EHD1: variants seen among roughly 807,000 people sequenced by gnomAD.
EHD1 encodes EH domain-containing protein 1.
A neutral mutation model predicts 39.0 loss-of-function variants in EHD1; 19 were observed. The observed-to-expected ratio is 0.49, with a 90% confidence interval of 0.34 to 0.72. The LOEUF (loss-of-function observed/expected upper bound fraction) is 0.72. Among genes scored for constraint, EHD1 ranks in the 30% least tolerant of loss-of-function variants. The pLI is 0.01. For missense variants in EHD1, 542 were observed against 751.5 expected, an observed-to-expected ratio of 0.72 and a Z score of 3.26; for synonymous variants, 323 against 331.2, an observed-to-expected ratio of 0.98 and a Z score of 0.27.
In EHD1 at chr11:64,860,280, G is replaced by A. The variant is rs77426065; in HGVS notation, c.559C>T (p.Leu187=). The change falls in exon 3 of 5, where the codon CTG becomes TTG. Residue 187 remains leucine, a synonymous_variant. Coordinates refer to ENST00000320631, the MANE Select transcript of EHD1 (RefSeq NM_006795.4). The stretch of plus-strand genomic sequence containing the variant: ...TCCAGCTTGTGGGCGTCGAAGAGCA[G>A]GATGATGCGGTCCACACGCTCCGCG... The part of the protein sequence containing the change: ...WFAERVDRII[L]LFDAHKLDIS... 992 of 1,613,984 alleles carry A rather than the reference G, an allele frequency of 6.1e-4. 4 individuals carry two copies. In the African/African-American group the frequency reaches 1.0e-2, roughly 16 times the overall value.
chr11:64,876,868 C>T (rs1032448093), intron 1 of EHD1, among the ~76,000 whole-genome samples: 19 of 152,208 alleles, frequency 1.2e-4, no homozygotes, highest in Non-Finnish European at 1.6e-4. Context: ...CATCAACAGC[C>T]GTAAAACAGG....
intron 2 of EHD1, among the ~76,000 whole-genome samples, chr11:64,867,449 C>T (rs906228475): frequency 6.7e-6 from 1 of 149,792 alleles, no homozygotes; most frequent in African/African-American, 2.5e-5. Flanking sequence ...CTAAGCGCGG[C>T]GGCTTATGCC....
intron 2 of EHD1, among the ~76,000 whole-genome samples, chr11:64,864,827 G>A (rs1322797599): frequency 4.6e-5 from 7 of 152,178 alleles, no homozygotes; most frequent in Admixed American, 1.3e-4. Flanking sequence ...CTGGGAGTCA[G>A]GACGGCGCCT....
At chr11:64,871,971 C>T (rs577687855) in intron 2 of EHD1, among the ~76,000 whole-genome samples, 7 of 152,328 alleles carry the variant, frequency 4.6e-5, no homozygotes, top group African/African-American at 1.7e-4. Flanking sequence ...ATGGAGCATA[C>T]ACTTTGGTGC....
upstream of EHD1, chr11:64,879,670 A>T (rs1943932108): frequency 1.9e-6 from 3 of 1,550,256 alleles, no homozygotes; most frequent in Non-Finnish European, 2.6e-6. Flanking sequence ...CCACACACAG[A>T]CCCCTTTGGC....
chr11:64,854,977 C>T (rs180888959), intron 4 of EHD1, 120 bp from the exon 5 acceptor site: 23 of 1,315,204 alleles, frequency 1.7e-5, no homozygotes, highest in South Asian at 2.7e-5. Context: ...CTAGCAGGGG[C>T]GACTCGGCAA....
chr11:64,851,713 TG>T lies in EHD1; in HGVS notation c.*2619del. On this transcript the variant is annotated 3_prime_UTR_variant, in exon 5 of 5. Transcript: ENST00000320631. Reference sequence around the variant, plus strand: ...TACAGCTGCAGTCTAAGGGTGGGGTTGGGGGGATCTACCGTTTTTTCCTCTT... The same window carrying T: ...TACAGCTGCAGTCTAAGGGTGGGGTTGGGGGATCTACCGTTTTTTCCTCTT... 1 of 152,308 alleles carries T rather than the reference TG, an allele frequency of 6.6e-6. No homozygotes were observed. The allele number at this position is 152,308 out of a possible 1,614,324, so 9.4% of individuals were successfully genotyped here.
rs549564512 is a variant in EHD1 at position 64,871,428 on chromosome 11, C to T, written c.502+2993G>A. Among the ~76,000 whole-genome samples, 17 of 152,352 alleles carry T rather than the reference C, an allele frequency of 1.1e-4. No homozygotes were observed. In the South Asian group the frequency reaches 1.2e-3, roughly 11 times the overall value. On this transcript the variant is annotated intron_variant, in intron 2 of 4. Coordinates refer to ENST00000320631, the MANE Select transcript of EHD1 (RefSeq NM_006795.4). ...AACAGAAATCCACTCCTCCTGTGTA[C>T]ACCTAGCGGGGCTCATCCTGGAGTT...
At chr11:64,871,802 A>G (rs11231896) in intron 2 of EHD1, among the ~76,000 whole-genome samples, 1,750 of 152,274 alleles carry the variant, frequency 0.011, 33 homozygotes, top group Non-Finnish European at 0.012. Context: ...ACACAGGCAG[A>G]GCAGGGCAGC....
At chr11:64,857,146 C>T (rs533065327) in intron 3 of EHD1, among the ~76,000 whole-genome samples, 2 of 152,358 alleles carry the variant, frequency 1.3e-5, no homozygotes, top group South Asian at 2.1e-4. Flanking sequence ...TCCAGCCAGC[C>T]GGGCGCGGTG....
chr11:64,858,205 A>G (rs1457929142), intron 3 of EHD1, among the ~76,000 whole-genome samples: 1 of 80,806 alleles, frequency 1.2e-5, no homozygotes, highest in Admixed American at 1.6e-4. Flanking sequence ...TTTTTGAGAC[A>G]GAGTCTTGCT....
chr11:64,863,382 G>C (rs938543356), intron 2 of EHD1, among the ~76,000 whole-genome samples: 2 of 152,216 alleles, frequency 1.3e-5, no homozygotes, highest in African/African-American at 4.8e-5. Flanking sequence ...AAAAGCAGCA[G>C]CTGGACAGGG....
At chr11:64,860,460 C>A in intron 2 of EHD1, 124 bp from the exon 3 acceptor site, 1 of 1,341,850 alleles carries the variant, frequency 7.5e-7, no homozygotes, top group Non-Finnish European at 9.9e-7. Context: ...ATAGGCCGGG[C>A]GTGGTGGCTC....
intron 2 of EHD1, among the ~76,000 whole-genome samples, chr11:64,867,237 G>C (rs2136490524): frequency 6.6e-6 from 1 of 152,052 alleles, no homozygotes; most frequent in Admixed American, 6.5e-5. Flanking sequence ...TGACCAACAT[G>C]GTGAAACCCC....
At chr11:64,855,903 G>A (rs565815958) in intron 3 of EHD1, 10 of 133,428 alleles carry the variant, frequency 7.5e-5, no homozygotes, top group African/African-American at 3.1e-4. Context: ...CCCTCACCAC[G>A]CATCACACAC....
rs1943631289 is a variant in EHD1, at chr11:64,854,843, G to T, written c.1095C>A (p.Thr365=). ...SLRKMQELLQ[T]QDFSKFQALK... Reference sequence around the variant, plus strand: ...GCGCCTGGAACTTGCTGAAGTCCTGGGTCTGCAGGAGTTCCTGTGGGCGGG... The same window carrying T: ...GCGCCTGGAACTTGCTGAAGTCCTGTGTCTGCAGGAGTTCCTGTGGGCGGG... Residue 365 remains threonine (T), a synonymous_variant, in exon 5 of 5, where the codon ACC becomes ACA. Transcript: ENST00000320631. 2 of 1,598,768 alleles carry T rather than the reference G, an allele frequency of 1.3e-6. No individual in the cohort carries two copies. The highest frequency in any genetic ancestry group is 1.3e-5 in the African/African-American group (1 of 75,006).
intron 1 of EHD1, chr11:64,877,829 G>T: frequency 2.4e-6 from 1 of 408,264 alleles, no homozygotes; most frequent in Non-Finnish European, 4.3e-6. Context: ...GGTTACCCTG[G>T]AAGATTCTGG....
chr11:64,878,621 T>G lies in EHD1; in HGVS notation c.-157A>C, dbSNP rs1034898128. 6 of 1,410,764 alleles carry G rather than the reference T, an allele frequency of 4.3e-6. No homozygotes were observed. In the South Asian group the frequency reaches 7.6e-5, roughly 18 times the overall value. 87.4% of individuals were successfully genotyped at this position (1,410,764 alleles called of 1,614,324 possible). A position where few individuals can be genotyped will look rare whatever the true frequency, so the allele number is the denominator to read the frequency against. ...GCCCGTCGAAGCGCCCTCTGCCGAA[T>G]GCTGCGCACCCCTCGCGGAGCGGCC... On this transcript the variant is annotated 5_prime_UTR_variant, in exon 1 of 5. Coordinates refer to ENST00000320631, the MANE Select transcript of EHD1 (RefSeq NM_006795.4).
At chr11:64,878,772 C>G, upstream of EHD1, 1 of 1,268,296 alleles carries the variant, frequency 7.9e-7, no homozygotes, top group South Asian at 2.5e-5. Flanking sequence ...TTCCCCTACC[C>G]CGCCCCCATT....
Sources: gnomAD v4.1 joint callset for allele counts (sites outside exome capture counted in the v4.1 genomes callset) on GRCh38, gnomAD v4.1.1 for gene constraint, MANE v1.5 for transcripts, NCBI Gene and HGNC (gene_info 2026-07-23, HGNC 2026-07-21) for gene names.